Variants in LINGO2 observed in about 807,000 individuals in gnomAD.
The protein encoded by LINGO2 is leucine-rich repeat and immunoglobulin-like domain-containing nogo receptor-interacting protein 2.
A neutral mutation model predicts 30.6 loss-of-function variants in LINGO2; 14 were observed. The observed-to-expected ratio is 0.46, with a 90% CI of 0.30 to 0.72. The LOEUF is 0.72. LINGO2 is among the 30% of genes least tolerant of loss of function. The pLI is 0.07. For synonymous variants in LINGO2, 317 were observed against 288.5 expected (o/e 1.10, Z -1.00); for missense variants, 729 against 751.7 (o/e 0.97, Z 0.35).
intron 1 of LINGO2, among the ~76,000 whole-genome samples, chr9:28,602,085 A>G (rs1012306625): frequency 1.3e-5 from 2 of 152,078 alleles, no homozygotes; most frequent in Non-Finnish European, 2.9e-5. Context: ...GAGGCACAAC[A>G]AGGAGGCTAA....
chr9:28,232,888 G>A (rs1821408725), intron 4 of LINGO2, among the ~76,000 whole-genome samples: 1 of 151,296 alleles, frequency 6.6e-6, no homozygotes, highest in South Asian at 2.1e-4. Flanking sequence ...CAACTCCATT[G>A]CTGTGAATAT....
chr9:28,442,287 G>T (rs1051919173), intron 2 of LINGO2, among the ~76,000 whole-genome samples: 2 of 150,704 alleles, frequency 1.3e-5, no homozygotes, highest in African/African-American at 4.9e-5. Context: ...ATGACCAACC[G>T]AAATCCTACC....
chr9:28,887,379 G>T, the LINGO2 span, among the ~76,000 whole-genome samples: 2 of 151,938 alleles, frequency 1.3e-5, no homozygotes, highest in African/African-American at 4.8e-5. Flanking sequence ...TTGGCATTAG[G>T]ATGAACTATA....
chr9:28,797,888 G>A, the LINGO2 span, among the ~76,000 whole-genome samples: 2 of 152,014 alleles, frequency 1.3e-5, no homozygotes, highest in East Asian at 3.9e-4. Flanking sequence ...ATATGAAGTG[G>A]GGCCAGGAGA....
chr9:28,974,917 T>A, the LINGO2 span, among the ~76,000 whole-genome samples: 1 of 152,116 alleles, frequency 6.6e-6, no homozygotes, highest in Admixed American at 6.6e-5. Context: ...TTCATTTTCA[T>A]TGGACAAGTC....
intron 3 of LINGO2, among the ~76,000 whole-genome samples, chr9:28,349,688 A>C (rs1490287788): frequency 7.1e-6 from 1 of 140,128 alleles, no homozygotes; most frequent in Non-Finnish European, 1.5e-5. Flanking sequence ...ACTCCAAGAC[A>C]CATAATTGTC....
the LINGO2 span, among the ~76,000 whole-genome samples, chr9:29,007,289 T>G: frequency 6.6e-6 from 1 of 152,110 alleles, no homozygotes; most frequent in Non-Finnish European, 1.5e-5. Flanking sequence ...ATTTTATTGA[T>G]AAGTTACTTT....
intron 3 of LINGO2, among the ~76,000 whole-genome samples, chr9:28,322,691 G>T (rs1450773976): frequency 6.6e-6 from 1 of 152,078 alleles, no homozygotes; most frequent in East Asian, 1.9e-4. Context: ...TGTATGATTT[G>T]GGGTAAGTCA....
the LINGO2 span, among the ~76,000 whole-genome samples, chr9:28,980,113 T>C: frequency 6.6e-6 from 1 of 152,216 alleles, no homozygotes. Flanking sequence ...ATTTTCTGAA[T>C]CCTTGAGCAA....
intron 4 of LINGO2, among the ~76,000 whole-genome samples, chr9:28,207,102 C>G (rs757432889): frequency 6.6e-5 from 10 of 152,062 alleles, no homozygotes; most frequent in Non-Finnish European, 1.5e-4. Context: ...GATTTATGTG[C>G]CATGCATTAT....
At chr9:28,145,938 G>T (rs1827800811) in intron 4 of LINGO2, among the ~76,000 whole-genome samples, 1 of 152,136 alleles carries the variant, frequency 6.6e-6, no homozygotes, top group Non-Finnish European at 1.5e-5. Context: ...CAGGCTCTTT[G>T]GCTGATTTGC....
At chr9:29,091,292 C>A in the LINGO2 span, among the ~76,000 whole-genome samples, 1 of 151,902 alleles carries the variant, frequency 6.6e-6, no homozygotes, top group Non-Finnish European at 1.5e-5. Context: ...CAATGGACCC[C>A]CATGGAAACA....
chr9:29,031,745 C>G, the LINGO2 span, among the ~76,000 whole-genome samples: 1 of 152,014 alleles, frequency 6.6e-6, no homozygotes, highest in Admixed American at 6.6e-5. Flanking sequence ...ATAAAGCAGT[C>G]TAACACAGCT....
intron 4 of LINGO2, among the ~76,000 whole-genome samples, chr9:28,041,108 C>CATA (rs1457276405): frequency 6.6e-6 from 1 of 152,200 alleles, no homozygotes; most frequent in Admixed American, 6.5e-5. Context: ...AAAAAAGCTA[C>CATA]CACTATTGTT....
chr9:28,921,526 G>A, the LINGO2 span, among the ~76,000 whole-genome samples: 1 of 152,156 alleles, frequency 6.6e-6, no homozygotes, highest in South Asian at 2.1e-4. Flanking sequence ...ATTTAGAATT[G>A]TGATGTGGGG....
intron 1 of LINGO2, among the ~76,000 whole-genome samples, chr9:28,623,268 G>T (rs567976770): frequency 6.6e-6 from 1 of 152,092 alleles, no homozygotes; most frequent in South Asian, 2.1e-4. Flanking sequence ...TTTTTGCCCA[G>T]ACCAATGTCC....
intron 2 of LINGO2, among the ~76,000 whole-genome samples, chr9:28,447,684 T>A (rs1367070394): frequency 1.3e-5 from 2 of 152,198 alleles, no homozygotes; most frequent in Non-Finnish European, 2.9e-5. Context: ...AAATGATTAA[T>A]AGAATCTTCT....
the LINGO2 span, among the ~76,000 whole-genome samples, chr9:28,755,784 C>A: frequency 1.3e-5 from 2 of 152,026 alleles, no homozygotes; most frequent in Non-Finnish European, 2.9e-5. Context: ...TAAATGTTTG[C>A]TCCGTGTCTG....
chr9:29,156,603 T>A, the LINGO2 span, among the ~76,000 whole-genome samples: 5 of 152,124 alleles, frequency 3.3e-5, no homozygotes, highest in African/African-American at 1.2e-4. Context: ...TTTATGCCAC[T>A]ATGTTTCTTC....
Sources: gnomAD v4.1 joint callset for allele counts (sites outside exome capture counted in the v4.1 genomes callset) on GRCh38, gnomAD v4.1.1 for gene constraint, MANE v1.5 for transcripts, NCBI Gene and HGNC (gene_info 2026-07-23, HGNC 2026-07-21) for gene names.